Variants in NREP observed in about 807,000 individuals in gnomAD.
NREP encodes neuronal regeneration related protein.
NREP carries 5 observed loss-of-function variants against 8.6 expected under a neutral mutation model. That is an observed-to-expected ratio of 0.58 (90% CI 0.30 to 1.22). The LOEUF is 1.22. Ranked by LOEUF, NREP falls within the 50% of genes most tolerant of loss-of-function variation. The probability of loss-of-function intolerance (pLI) is 0.07; values close to 1 mark genes in which losing one functional copy is unlikely to be tolerated. For synonymous variants in NREP, 27 were observed against 28.0 expected (o/e 0.96, Z 0.11); for missense variants, 86 against 82.5 (o/e 1.04, Z -0.17).
At chr5:111,791,602 C>A (rs371473841) in intron 2 of NREP, among the ~76,000 whole-genome samples, 1 of 152,074 alleles carries the variant, frequency 6.6e-6, no homozygotes, top group Admixed American at 6.5e-5. Flanking sequence ...CTCAGCCTCC[C>A]GAGTAGCTGG....
intron 2 of NREP, among the ~76,000 whole-genome samples, chr5:111,752,223 C>T (rs909147227): frequency 6.6e-6 from 1 of 152,166 alleles, no homozygotes; most frequent in Non-Finnish European, 1.5e-5. Flanking sequence ...CTCGGAACAG[C>T]TGTTTATTCT....
At chr5:111,945,709 G>A (rs1032689873) in intron 2 of NREP, among the ~76,000 whole-genome samples, 5 of 151,794 alleles carry the variant, frequency 3.3e-5, no homozygotes, top group African/African-American at 1.2e-4. Context: ...AGGATAGTTG[G>A]ATCCAGGGTC....
chr5:111,879,259 A>T (rs1390161445), intron 2 of NREP, among the ~76,000 whole-genome samples: 8 of 152,284 alleles, frequency 5.3e-5, no homozygotes, highest in Non-Finnish European at 1.2e-4. Flanking sequence ...AGCCAAACAC[A>T]TCTAGTTTTT....
At chr5:111,824,638 C>T (rs1752580949) in intron 2 of NREP, among the ~76,000 whole-genome samples, 2 of 152,000 alleles carry the variant, frequency 1.3e-5, no homozygotes, top group African/African-American at 2.4e-5. Context: ...GGCAATAATC[C>T]CATTAGGAAT....
At chr5:111,731,420 T>G (rs925238763) in intron 3 of NREP, among the ~76,000 whole-genome samples, 1 of 78,356 alleles carries the variant, frequency 1.3e-5, no homozygotes, top group African/African-American at 5.3e-5. Context: ...GGAGTGTCAG[T>G]TGATAATTAT....
chr5:111,910,929 G>A (rs1192307723), intron 2 of NREP, among the ~76,000 whole-genome samples: 2 of 152,080 alleles, frequency 1.3e-5, no homozygotes, highest in Non-Finnish European at 2.9e-5. Flanking sequence ...CTTGGTACTA[G>A]AAGCTTCAGA....
At chr5:111,820,969 TA>T (rs1455595663) in intron 2 of NREP, among the ~76,000 whole-genome samples, 1 of 152,206 alleles carries the variant, frequency 6.6e-6, no homozygotes, top group East Asian at 1.9e-4. Context: ...AATAACTGGG[TA>T]ACTTTCAGAA....
intron 2 of NREP, among the ~76,000 whole-genome samples, chr5:111,749,314 C>G (rs1316333295): frequency 6.6e-6 from 1 of 152,020 alleles, no homozygotes; most frequent in Non-Finnish European, 1.5e-5. Context: ...GATTTACAGA[C>G]AAGTACCACC....
intron 2 of NREP, among the ~76,000 whole-genome samples, chr5:111,786,870 G>C (rs118067712): frequency 6.6e-6 from 1 of 152,228 alleles, no homozygotes; most frequent in East Asian, 1.9e-4. Context: ...AGAAGGGCAT[G>C]AATCTTTGGT....
At chr5:111,832,516 G>C (rs1371399310) in intron 2 of NREP, among the ~76,000 whole-genome samples, 1 of 152,108 alleles carries the variant, frequency 6.6e-6, no homozygotes, top group African/African-American at 2.4e-5. Flanking sequence ...GGGTGACAGA[G>C]TGGTACCCTG....
intron 2 of NREP, among the ~76,000 whole-genome samples, chr5:111,801,630 G>GA (rs1194534849): frequency 6.6e-6 from 1 of 151,940 alleles, no homozygotes; most frequent in African/African-American, 2.4e-5. Context: ...GTCCTGATAA[G>GA]AAAAAAATAT....
intron 2 of NREP, among the ~76,000 whole-genome samples, chr5:111,851,458 T>A (rs1343299308): frequency 1.3e-5 from 2 of 152,176 alleles, no homozygotes; most frequent in East Asian, 3.8e-4. Flanking sequence ...TGTGTGTACA[T>A]ATATAGAGAG....
At chr5:111,968,084 T>G (rs1038854115) in intron 2 of NREP, among the ~76,000 whole-genome samples, 8 of 152,162 alleles carry the variant, frequency 5.3e-5, no homozygotes, top group African/African-American at 1.9e-4. Context: ...AAAAAGGCTT[T>G]TCAAGCAAAA....
At chr5:111,903,043 CT>C (rs1002421014) in intron 2 of NREP, among the ~76,000 whole-genome samples, 12 of 145,776 alleles carry the variant, frequency 8.2e-5, no homozygotes, top group African/African-American at 2.8e-4. Flanking sequence ...ATATTTTTAT[CT>C]TTTAATTCTA....
At chr5:111,964,542 G>A (rs1174366294) in intron 2 of NREP, among the ~76,000 whole-genome samples, 2 of 151,868 alleles carry the variant, frequency 1.3e-5, no homozygotes, top group African/African-American at 4.8e-5. Context: ...AAAAATTTTT[G>A]TATATTTAGT....
chr5:111,769,491 G>A (rs139419928), intron 2 of NREP, among the ~76,000 whole-genome samples: 64 of 152,376 alleles, frequency 4.2e-4, no homozygotes, highest in African/African-American at 1.5e-3. Context: ...CTTTGAGGCA[G>A]CACTTGAGCT....
At chr5:111,829,380 C>T (rs1752708390) in intron 2 of NREP, among the ~76,000 whole-genome samples, 1 of 152,166 alleles carries the variant, frequency 6.6e-6, no homozygotes, top group African/African-American at 2.4e-5. Flanking sequence ...CCAGTTAAGA[C>T]TCTAATTCAG....
chr5:111,926,993 G>T (rs1263462060), intron 2 of NREP, among the ~76,000 whole-genome samples: 1 of 151,876 alleles, frequency 6.6e-6, no homozygotes. Context: ...TGATTCCTTA[G>T]ATTTGTATGG....
chr5:111,902,828 C>T (rs1581204839), intron 2 of NREP, among the ~76,000 whole-genome samples: 2 of 151,988 alleles, frequency 1.3e-5, no homozygotes, highest in Non-Finnish European at 1.5e-5. Context: ...TTAAAGAGTC[C>T]TGCTTTGGCT....
Sources: gnomAD v4.1 joint callset for allele counts (sites outside exome capture counted in the v4.1 genomes callset) on GRCh38, gnomAD v4.1.1 for gene constraint, MANE v1.5 for transcripts, NCBI Gene and HGNC (gene_info 2026-07-23, HGNC 2026-07-21) for gene names.